The following MAST4 variants were observed in gnomAD, a reference collection of about 807,000 sequenced individuals.
MAST4 encodes the protein microtubule associated serine/threonine kinase family member 4, also known as microtubule-associated serine/threonine-protein kinase 4.
A neutral mutation model predicts 162.7 loss-of-function variants in MAST4; 89 were observed. The observed-to-expected ratio is 0.55, with a 90% CI of 0.46 to 0.65. The LOEUF (loss-of-function observed/expected upper bound fraction) is 0.65, where lower values mean the gene tolerates loss of function less well. MAST4 is among the 30% of genes least tolerant of loss of function. The probability of loss-of-function intolerance (pLI) is 0.00; values close to 1 mark genes in which losing one functional copy is unlikely to be tolerated. For missense variants in MAST4, 3,153 were observed against 3,374.0 expected, an observed-to-expected ratio of 0.93 and a Z score of 1.62; for synonymous variants, 1,479 against 1,361.1, an observed-to-expected ratio of 1.09 and a Z score of -1.91.
At chr5:66,800,612 T>A (rs1400273953) in intron 3 of MAST4, among the ~76,000 whole-genome samples, 1 of 152,006 alleles carries the variant, frequency 6.6e-6, no homozygotes, top group East Asian at 1.9e-4. Context: ...AATACCTGGG[T>A]GATGAAATAA....
intron 1 of MAST4, among the ~76,000 whole-genome samples, chr5:66,756,677 A>G (rs1262082082): frequency 6.6e-6 from 1 of 152,236 alleles, no homozygotes; most frequent in Non-Finnish European, 1.5e-5. Flanking sequence ...TGAAAAATAA[A>G]TTGCAGGGCT....
Position 67,167,070 on chromosome 5 carries a change from A to T in MAST4, c.*19A>T. 1 of 1,550,428 alleles carries T rather than the reference A, an allele frequency of 6.4e-7. No individual in the cohort carries two copies. Among genetic ancestry groups the T allele is most frequent in the African/African-American group, 1.4e-5 (1 of 72,986 alleles). ...CTTGTAACGGGGAGGGCCCAGGGGC[A>T]GGACTGTGGAGACCCGTCCTGAACG... On this transcript the variant is annotated 3_prime_UTR_variant, in exon 29 of 29. Coordinates refer to ENST00000403625, the MANE Select transcript of MAST4 (RefSeq NM_001164664.2).
At chr5:66,692,238 T>C (rs1342582594) in intron 1 of MAST4, among the ~76,000 whole-genome samples, 1 of 152,148 alleles carries the variant, frequency 6.6e-6, no homozygotes, top group African/African-American at 2.4e-5. Flanking sequence ...TCCCAAGAGT[T>C]ATAAGAACAT....
In MAST4 at chr5:67,078,917, T is replaced by TATATATATA. The variant is rs1561622033; in HGVS notation, c.764-11244_764-11236dup. On this transcript the variant is annotated intron_variant, in intron 5 of 28. Coordinates refer to ENST00000403625, the MANE Select transcript of MAST4 (RefSeq NM_001164664.2). The stretch of plus-strand genomic sequence containing the variant: ...ATTTATATATTTTTATATAAATATA[T>TATATATATA]ATATATATATATATATATATATATA... 1.4e-3 allele frequency among the ~76,000 whole-genome samples: 77 copies of TATATATATA among 55,082 alleles called. 2 individuals carry two copies. Among genetic ancestry groups the TATATATATA allele is most frequent in the Non-Finnish European group, 1.8e-3 (60 of 33,212 alleles). The allele number at this position is 55,082 out of a possible 152,430, so 36.1% of individuals were successfully genotyped here.
chr5:66,887,607 C>A (rs138495569), intron 3 of MAST4, among the ~76,000 whole-genome samples: 1 of 152,146 alleles, frequency 6.6e-6, no homozygotes, highest in Non-Finnish European at 1.5e-5. Flanking sequence ...ATATGAGGAC[C>A]CTGACCTTGG....
chr5:66,776,461 GTAGACTCT>G (rs1205875354), intron 2 of MAST4, among the ~76,000 whole-genome samples: 1 of 152,130 alleles, frequency 6.6e-6, no homozygotes, highest in Non-Finnish European at 1.5e-5. Flanking sequence ...TGTGAAGATG[GTAGACTCT>G]TTTTGAGATG....
chr5:66,948,430 T>C (rs1427373037), intron 4 of MAST4, among the ~76,000 whole-genome samples: 2 of 152,158 alleles, frequency 1.3e-5, no homozygotes, highest in Non-Finnish European at 2.9e-5. Context: ...TATCCAAACA[T>C]GTGCTCTTAT....
Position 67,160,321 on chromosome 5 carries a change from A to G in MAST4, c.3649-135A>G, listed in dbSNP as rs185480468. ...ATTCTGGCAGGACTTCTTTGATTGA[A>G]GGGTTATTTAGAAACAGAAGGCCTT... On this transcript the variant is annotated intron_variant, in intron 26 of 28. Coordinates refer to ENST00000403625, the MANE Select transcript of MAST4 (RefSeq NM_001164664.2). The G allele has an allele frequency of 1.3e-4, 116 of 886,946 alleles. No individual in the cohort carries two copies. In the East Asian group the frequency reaches 3.2e-3, roughly 24 times the overall value. 54.9% of individuals were successfully genotyped at this position (886,946 alleles called of 1,614,324 possible). A position where few individuals can be genotyped will look rare whatever the true frequency, so the allele number is the denominator to read the frequency against.
chr5:67,081,878 G>A (rs1762693560), intron 5 of MAST4, among the ~76,000 whole-genome samples: 1 of 152,110 alleles, frequency 6.6e-6, no homozygotes, highest in South Asian at 2.1e-4. Flanking sequence ...TTTTAAATGT[G>A]TTTCAGAAAG....
intron 1 of MAST4, among the ~76,000 whole-genome samples, chr5:66,721,932 ACATCCAGAATCT>A (rs1283667977): frequency 6.6e-6 from 1 of 151,906 alleles, no homozygotes; most frequent in Non-Finnish European, 1.5e-5. Flanking sequence ...ACCTTCAAAT[ACATCCAGAATCT>A]CATCACTTCT....
chr5:66,834,561 T>C (rs932647163), intron 3 of MAST4, among the ~76,000 whole-genome samples: 2 of 152,114 alleles, frequency 1.3e-5, no homozygotes, highest in Middle Eastern at 3.4e-3. Flanking sequence ...ACACCTAACA[T>C]GGTTTATAAG....
chr5:66,905,606 TGAGGTCCTGA>T (rs1763306514), intron 4 of MAST4, among the ~76,000 whole-genome samples: 2 of 152,160 alleles, frequency 1.3e-5, no homozygotes, highest in African/African-American at 2.4e-5. Flanking sequence ...GACCAAGGCC[TGAGGTCCTGA>T]GAGGTCCTCA....
At chr5:66,860,715 T>A (rs140639407) in intron 3 of MAST4, among the ~76,000 whole-genome samples, 252 of 147,564 alleles carry the variant, frequency 1.7e-3, no homozygotes, top group Non-Finnish European at 3.1e-3. Context: ...CTATTCCCCA[T>A]GCCTCAGCAC....
intron 4 of MAST4, among the ~76,000 whole-genome samples, chr5:66,905,326 A>AC: frequency 7.3e-6 from 1 of 136,996 alleles, no homozygotes; most frequent in East Asian, 2.0e-4. Flanking sequence ...AAAAAAAAAA[A>AC]AATGGGATAT....
intron 17 of MAST4, 100 bp downstream of exon 17, chr5:67,133,746 G>A (rs1769273531): frequency 7.5e-7 from 1 of 1,325,970 alleles, no homozygotes; most frequent in Non-Finnish European, 1.1e-6. Context: ...CATTAGTGCT[G>A]GTGGTTTAGA....
At chr5:66,845,073 G>A (rs1218326762) in intron 3 of MAST4, among the ~76,000 whole-genome samples, 1 of 86,784 alleles carries the variant, frequency 1.2e-5, no homozygotes, top group Non-Finnish European at 2.1e-5. Context: ...GACCCATTAA[G>A]GTCACTAATC....
intron 3 of MAST4, among the ~76,000 whole-genome samples, chr5:66,857,108 G>A (rs764820094): frequency 6.6e-6 from 1 of 152,122 alleles, no homozygotes; most frequent in Non-Finnish European, 1.5e-5. Context: ...AGCAAACACT[G>A]TCATAGATTT....
chr5:66,946,629 C>T (rs1240515353), intron 4 of MAST4, among the ~76,000 whole-genome samples: 1 of 152,068 alleles, frequency 6.6e-6, no homozygotes, highest in African/African-American at 2.4e-5. Flanking sequence ...TGGGTTTTGC[C>T]AACAGTAAAT....
At chr5:66,821,815 G>T (rs989492260) in intron 3 of MAST4, among the ~76,000 whole-genome samples, 1 of 152,146 alleles carries the variant, frequency 6.6e-6, no homozygotes, top group African/African-American at 2.4e-5. Context: ...TTCAGGGCAG[G>T]ATCCTTGAAG....
Sources: allele counts gnomAD v4.1 joint callset (sites outside exome capture counted in the v4.1 genomes callset), GRCh38; gene constraint gnomAD v4.1.1; transcripts MANE v1.5; gene names NCBI Gene and HGNC (gene_info 2026-07-23, HGNC 2026-07-21).